PPFIA4: variants seen among roughly 807,000 people sequenced by gnomAD.
The protein encoded by PPFIA4 is PPFI scaffold protein A4, also known as liprin-alpha-4.
PPFIA4 carries 98 observed loss-of-function variants against 145.7 expected under a neutral mutation model. The observed-to-expected ratio is 0.67, with a 90% CI of 0.57 to 0.80. The LOEUF (loss-of-function observed/expected upper bound fraction) is 0.80. PPFIA4 is among the 30% of genes least tolerant of loss of function. The pLI is 0.00. For missense variants in PPFIA4, 1,457 were observed against 1,632.7 expected (o/e 0.89, Z 1.85); for synonymous variants, 628 against 649.6 (o/e 0.97, Z 0.51).
intron 27 of PPFIA4, among the ~76,000 whole-genome samples, chr1:203,070,589 A>AG (rs1484404453): frequency 6.6e-6 from 1 of 151,092 alleles, no homozygotes; most frequent in Non-Finnish European, 1.5e-5. Context: ...CTCCCTCAAA[A>AG]AAAAAAAAAA....
rs1661554477 is a variant in PPFIA4 at position 203,063,853 on chromosome 1, A to C, written c.2900A>C (p.His967Pro). ...AQTLAYGDMNHEWIGNEWLPS... is the reference protein window; with the variant it reads ...AQTLAYGDMNPEWIGNEWLPS... ...ACCCTGGCCTATGGGGACATGAACC[A>C]TGAGTGGATTGGGAATGAATGGCTA... Residue 967 changes from histidine (H) to proline (P), a missense_variant, in exon 25 of 30, where the codon CAT (histidine) becomes CCT (proline). This residue lies in a region of PPFIA4 where 848 missense variants were observed against 1,046.7 expected (regional missense o/e 0.81). Transcript: ENST00000295706. The C allele has an allele frequency of 1.2e-6, 2 of 1,613,798 alleles. No homozygotes were observed. Among genetic ancestry groups the C allele is most frequent in the Non-Finnish European group, 1.7e-6 (2 of 1,179,884 alleles).
Position 203,075,847 on chromosome 1 carries a change from C to A in PPFIA4, c.3574+90C>A. 1 of 1,242,646 alleles carries A rather than the reference C, an allele frequency of 8.0e-7. No individual in the cohort carries two copies. The highest frequency in any genetic ancestry group is 1.0e-6 in the Non-Finnish European group (1 of 958,904). The allele number at this position is 1,242,646 out of a possible 1,614,324, so 77.0% of individuals were successfully genotyped here. A position where few individuals can be genotyped will look rare whatever the true frequency, so the allele number is the denominator to read the frequency against. ...CAGGGCCGGGCCGGGTGGAGAGGGG[C>A]GAGGCCGAGGCTGGTGCCCCGCGCT... On this transcript the variant is annotated intron_variant, in intron 29 of 29. Coordinates refer to ENST00000295706, the MANE Select transcript of PPFIA4 (RefSeq NM_001304331.2). The surrounding 1 kb of genome is among the most constrained non-coding windows in gnomAD (Gnocchi z 4.1).
rs1329093304 is a variant in PPFIA4 at position 203,068,310 on chromosome 1, A to G, written c.3149-143A>G. The stretch of plus-strand genomic sequence containing the variant: ...AGGTGCCAGGGAGGAGAGAAAGAAG[A>G]TATGGAAATTTAGGGATGGAGTGGG... On this transcript the variant is annotated intron_variant, in intron 26 of 29. Transcript: ENST00000295706. The surrounding 1 kb of genome is among the most constrained non-coding windows in gnomAD (Gnocchi z 4.7). 2 of 707,524 alleles carry G rather than the reference A, an allele frequency of 2.8e-6. No individual in the cohort carries two copies. The highest frequency in any genetic ancestry group is 6.5e-5 in the East Asian group (2 of 30,760). 43.8% of individuals were successfully genotyped at this position (707,524 alleles called of 1,614,324 possible).
At position 203,068,646 on chromosome 1, in the gene PPFIA4, C is replaced by G. The variant is rs1310568140; in HGVS notation, c.3324+18C>G. ...ACACCCAGGTGGGCAGCCTTTTAAT[C>G]AGTCAACTTGAGTCTCTCCCTGTAT... On this transcript the variant is annotated intron_variant, in intron 27 of 29. Transcript: ENST00000295706. This position sits in a 1 kb window ranked among gnomAD's most constrained non-coding sequence, Gnocchi z 4.7. 2 of 1,484,058 alleles carry G rather than the reference C, an allele frequency of 1.3e-6. No individual in the cohort carries two copies. The highest frequency in any genetic ancestry group is 2.6e-5 in the Admixed American group (1 of 37,824). The allele number at this position is 1,484,058 out of a possible 1,614,324, so 91.9% of individuals were successfully genotyped here. A position where few individuals can be genotyped will look rare whatever the true frequency, so the allele number is the denominator to read the frequency against.
intron 1 of PPFIA4, among the ~76,000 whole-genome samples, chr1:203,031,799 G>A (rs180917077): frequency 6.6e-4 from 101 of 152,314 alleles, no homozygotes; most frequent in African/African-American, 2.2e-3. Flanking sequence ...GAGGACATTT[G>A]TGTTGATTAA....
In PPFIA4 at chr1:203,078,481, TTAAGAAGAGAAC is replaced by T. The variant is rs1011166353; in HGVS notation, c.*2093_*2104del. 1 of 152,530 alleles carries T rather than the reference TTAAGAAGAGAAC, an allele frequency of 6.6e-6. No individual in the cohort carries two copies. Among genetic ancestry groups the T allele is most frequent in the Non-Finnish European group, 1.5e-5 (1 of 68,024 alleles). The allele number at this position is 152,530 out of a possible 1,614,324, so 9.4% of individuals were successfully genotyped here. ...CCTTGAGAAGTGTTGCAGGGAGGTG[TTAAGAAGAGAAC>T]TCTGTGCAAACAGTGATGGAAGGCT... On this transcript the variant is annotated 3_prime_UTR_variant, in exon 30 of 30. Coordinates refer to ENST00000295706, the MANE Select transcript of PPFIA4 (RefSeq NM_001304331.2).
Position 203,044,763 on chromosome 1 carries a change from T to A in PPFIA4, c.644T>A (p.Leu215Gln), listed in dbSNP as rs1320742143. Residue 215 changes from leucine to glutamine, a missense_variant, in exon 6 of 30, where the codon CTG becomes CAG. Physicochemically the swap from Leu to Gln is moderately radical, Grantham distance 113 (BLOSUM62 -2). Transcript: ENST00000295706. The stretch of plus-strand genomic sequence containing the variant: ...GCAGAAGAGGAGGGGACTGTGGAGC[T>A]GGGGCCGAAACGCCTGTGGAAGGTA... Reference protein sequence around the residue: ...GAAEEEGTVELGPKRLWKEDT... With the variant: ...GAAEEEGTVEQGPKRLWKEDT... 6.4e-7 allele frequency: 1 copy of A among 1,565,288 alleles called. No individual in the cohort carries two copies. The highest frequency in any genetic ancestry group is 2.4e-5 in the East Asian group (1 of 42,472).
chr1:203,051,576 C>A (rs1275300930), intron 13 of PPFIA4, 193 bp from the exon 14 acceptor site: 1 of 1,074,550 alleles, frequency 9.3e-7, no homozygotes, highest in Non-Finnish European at 1.3e-6. Flanking sequence ...TCATTCTGAC[C>A]CCTGGAGCAC....
intron 19 of PPFIA4, 91 bp from the exon 20 acceptor site, chr1:203,059,087 A>G (rs1424742400): frequency 2.0e-6 from 2 of 1,013,946 alleles, no homozygotes; most frequent in East Asian, 5.2e-5. Flanking sequence ...TCTGCCAAGG[A>G]GCCTCCTGCT....
intron 1 of PPFIA4, chr1:203,035,180 TGGC>T: frequency 2.4e-6 from 1 of 411,478 alleles, no homozygotes; most frequent in Non-Finnish European, 5.0e-6. Flanking sequence ...TTTTCCCTCG[TGGC>T]TGCCACCTGG....
intron 13 of PPFIA4, 45 bp downstream of exon 13, chr1:203,049,812 TG>T: frequency 6.9e-7 from 1 of 1,444,866 alleles, no homozygotes; most frequent in Non-Finnish European, 9.2e-7. Flanking sequence ...GGGGTCCTGA[TG>T]GACCGTGAGG....
intron 1 of PPFIA4, among the ~76,000 whole-genome samples, chr1:203,033,875 T>C (rs1659022132): frequency 6.6e-6 from 1 of 152,124 alleles, no homozygotes; most frequent in South Asian, 2.1e-4. Flanking sequence ...TCCCAGCTAC[T>C]CGGAGGCTGA....
At chr1:203,051,062 A>G in intron 13 of PPFIA4, 2 of 876,142 alleles carry the variant, frequency 2.3e-6, no homozygotes, top group Non-Finnish European at 1.4e-6. Flanking sequence ...GGACTCCCTC[A>G]AGGGTTCCAA....
rs773134734 is a variant in PPFIA4, at chr1:203,060,289, G to A, written c.2656G>A (p.Ala886Thr). 56 of 1,613,954 alleles carry A rather than the reference G, an allele frequency of 3.5e-5. 1 individual carries two copies. In the South Asian group the frequency reaches 3.6e-4, roughly 10 times the overall value. Residue 886 changes from alanine (A) to threonine (T), a missense_variant, in exon 22 of 30, where the codon GCT (alanine) becomes ACT (threonine). Ala to Thr is a moderately conservative substitution (Grantham distance 58). Around this residue, in one of 3 missense-constraint regions of PPFIA4, gnomAD observed 848 missense variants for 1,046.7 expected, o/e 0.81. Transcript: ENST00000295706. The surrounding 1 kb of genome is among the most constrained non-coding windows in gnomAD (Gnocchi z 4.8). ...CGTCAAGAGTGGTGCCATCATGTCCGCTCTGTCGGACACAGAGATCCAGCG... is the reference window on the plus strand; with the variant it reads ...CGTCAAGAGTGGTGCCATCATGTCCACTCTGTCGGACACAGAGATCCAGCG... ...ANVKSGAIMS[A>T]LSDTEIQREI...
At position 203,044,071 on chromosome 1, in the gene PPFIA4, G is replaced by A. The variant is rs1659890448; in HGVS notation, c.477G>A (p.Glu159=). 2 of 1,601,674 alleles carry A rather than the reference G, an allele frequency of 1.2e-6. No homozygotes were observed. The highest frequency in any genetic ancestry group is 1.7e-6 in the Non-Finnish European group (2 of 1,173,970). ...TGAAGGCCCTCAAGTCACTGTTTGA[G>A]CACCACAAGGCCCTGGATGAGAAGG... ...EVLKALKSLF[E]HHKALDEKVR... Residue 159 remains glutamate, a synonymous_variant, in exon 4 of 30, where the codon GAG becomes GAA. Coordinates refer to ENST00000295706, the MANE Select transcript of PPFIA4 (RefSeq NM_001304331.2).
rs770978128 is a variant in PPFIA4, at chr1:203,051,888, G to C, written c.1620+11G>C. On this transcript the variant is annotated intron_variant, in intron 14 of 29. Transcript: ENST00000295706. ...GAAGAGTCTGCCAAGGTGAGGGGGTGGAGGGATCTCCTCAGGGAGTTTGGG... is the reference window on the plus strand; with the variant it reads ...GAAGAGTCTGCCAAGGTGAGGGGGTCGAGGGATCTCCTCAGGGAGTTTGGG... 5 of 1,611,876 alleles carry C rather than the reference G, an allele frequency of 3.1e-6. No individual in the cohort carries two copies. The highest frequency in any genetic ancestry group is 1.6e-4 in the Middle Eastern group (1 of 6,076).
Position 203,056,136 on chromosome 1 carries a change from A to G in PPFIA4, c.2087A>G (p.Lys696Arg). The change falls in exon 17 of 30, where the codon AAG becomes AGG. Residue 696 changes from lysine (K) to arginine (R), a missense_variant. Lys to Arg is a conservative substitution (Grantham distance 26). Around this residue, in one of 3 missense-constraint regions of PPFIA4, gnomAD observed 848 missense variants for 1,046.7 expected, o/e 0.81. Coordinates refer to ENST00000295706, the MANE Select transcript of PPFIA4 (RefSeq NM_001304331.2). ...CTCTTGCAGCCCAGTGACTTAAGAA[A>G]GCATAGGAGGAAGCTGCTGGTGAGT... ...GVMTLPSDLR[K>R]HRRKLLSPVS... The G allele has an allele frequency of 1.2e-6, 2 of 1,613,992 alleles. No homozygotes were observed. The highest frequency in any genetic ancestry group is 1.7e-6 in the Non-Finnish European group (2 of 1,179,872).
In PPFIA4 at chr1:203,037,262, G is replaced by A. The variant is rs558627389; in HGVS notation, c.-399-1348G>A. Reference sequence around the variant, plus strand: ...CTGGGTTCAGTCCTGCCACAGGCCTGTGCAGTGTCTGACCTCTTACCTCAC... The same window carrying A: ...CTGGGTTCAGTCCTGCCACAGGCCTATGCAGTGTCTGACCTCTTACCTCAC... On this transcript the variant is annotated intron_variant, in intron 1 of 29. Coordinates refer to ENST00000295706, the MANE Select transcript of PPFIA4 (RefSeq NM_001304331.2). The A allele has an allele frequency of 2.3e-5, 6 of 255,516 alleles. No individual in the cohort carries two copies. The East Asian group carries it at 8.1e-4, about 34-fold the overall frequency. The allele number at this position is 255,516 out of a possible 1,614,324, so 15.8% of individuals were successfully genotyped here.
intron 2 of PPFIA4, among the ~76,000 whole-genome samples, chr1:203,041,989 T>A (rs1387120122): frequency 6.6e-6 from 1 of 152,210 alleles, no homozygotes. Context: ...TGGTTTCTCA[T>A]GCTCTGGCAT....
Sources: allele counts gnomAD v4.1 joint callset (sites outside exome capture counted in the v4.1 genomes callset), GRCh38; gene constraint gnomAD v4.1.1; regional missense constraint gnomAD v4.1.1; non-coding constraint Gnocchi (gnomAD v3.1); transcripts MANE v1.5; gene names NCBI Gene and HGNC (gene_info 2026-07-23, HGNC 2026-07-21).